Variants in COL5A2 observed in about 807,000 individuals in gnomAD.
COL5A2 encodes the protein collagen alpha-2(V) chain.
Under a neutral mutation model 208.2 loss-of-function variants are expected in COL5A2, and 23 were observed. The ratio of observed to expected loss-of-function variants is 0.11; its 90% CI spans 0.08 to 0.16. The LOEUF is 0.16. COL5A2 is among the 10% of genes least tolerant of loss of function. The pLI, the probability that COL5A2 is intolerant of heterozygous loss-of-function variation, is 1.00. For synonymous variants in COL5A2, 625 were observed against 628.5 expected (o/e 0.99, Z 0.08); for missense variants, 1,590 against 1,956.4 (o/e 0.81, Z 3.53).
the COL5A2 span, chr2:189,311,188 G>C: frequency 1.1e-6 from 1 of 900,024 alleles, no homozygotes; most frequent in Non-Finnish European, 1.7e-6. Flanking sequence ...AATGTGGCCA[G>C]ACTATTTTTT....
chr2:189,036,240 G>A (rs1205365511), intron 52 of COL5A2, among the ~76,000 whole-genome samples: 5 of 152,024 alleles, frequency 3.3e-5, no homozygotes, highest in African/African-American at 4.8e-5. Context: ...CAAGATCCCC[G>A]TGAGGTAACC....
intron 1 of COL5A2, among the ~76,000 whole-genome samples, chr2:189,150,141 T>TGTG (rs1688116224): frequency 6.6e-6 from 1 of 152,182 alleles, no homozygotes. Flanking sequence ...CTGAACAATG[T>TGTG]GTGTGCCTTC....
At chr2:189,297,398 T>C in the COL5A2 span, among the ~76,000 whole-genome samples, 1 of 152,200 alleles carries the variant, frequency 6.6e-6, no homozygotes, top group African/African-American at 2.4e-5. Flanking sequence ...TCTCTTTGAA[T>C]GTGAGGCACT....
rs149614424 is a variant in COL5A2, at chr2:189,209,726, T to G, written c.-42+15422A>C. On this transcript the variant is annotated intron_variant, in intron 1 of 10. Transcript: ENST00000649966. ...GGAGAAGTCAGAAAATCTTACAGACTCTTAATTTTGGCTGAGTAGATGATG... is the reference window on the plus strand; with the variant it reads ...GGAGAAGTCAGAAAATCTTACAGACGCTTAATTTTGGCTGAGTAGATGATG... 4.3e-3 allele frequency among the ~76,000 whole-genome samples: 658 copies of G among 152,330 alleles called. 8 individuals are homozygous for G. Among genetic ancestry groups the G allele is most frequent in the East Asian group, 0.03 (156 of 5,186 alleles).
At chr2:189,344,312 T>TC in the COL5A2 span, among the ~76,000 whole-genome samples, 1 of 152,024 alleles carries the variant, frequency 6.6e-6, no homozygotes, top group African/African-American at 2.4e-5. Flanking sequence ...GGCCAAACCT[T>TC]CCCAGACTTC....
At chr2:189,424,335 G>A in the COL5A2 span, among the ~76,000 whole-genome samples, 4 of 152,122 alleles carry the variant, frequency 2.6e-5, no homozygotes, top group Admixed American at 6.5e-5. Flanking sequence ...CTAATGAGCC[G>A]TTAGGCAAAG....
At chr2:189,328,875 T>G in the COL5A2 span, among the ~76,000 whole-genome samples, 4 of 152,238 alleles carry the variant, frequency 2.6e-5, no homozygotes, top group Non-Finnish European at 1.5e-5. Flanking sequence ...GATTGACAAC[T>G]TCATAAAACT....
chr2:189,211,484 G>C (rs1010771333), intron 1 of COL5A2, among the ~76,000 whole-genome samples: 8 of 152,114 alleles, frequency 5.3e-5, no homozygotes, highest in Non-Finnish European at 1.0e-4. Flanking sequence ...AGAAAGTGTA[G>C]ACCAAGAGTT....
At chr2:189,128,001 G>T (rs1687641557) in intron 1 of COL5A2, among the ~76,000 whole-genome samples, 1 of 152,020 alleles carries the variant, frequency 6.6e-6, no homozygotes, top group South Asian at 2.1e-4. Flanking sequence ...AACAGAAATG[G>T]TAAGTGTAGG....
At chr2:189,202,193 T>C (rs1036313928) in intron 1 of COL5A2, among the ~76,000 whole-genome samples, 7 of 151,728 alleles carry the variant, frequency 4.6e-5, no homozygotes, top group African/African-American at 1.7e-4. Flanking sequence ...GGGGGGAGAA[T>C]ACAATGTGAA....
chr2:189,124,092 A>T (rs1423640235), intron 1 of COL5A2, among the ~76,000 whole-genome samples: 1 of 152,188 alleles, frequency 6.6e-6, no homozygotes, highest in East Asian at 1.9e-4. Context: ...CAGGTAAAGC[A>T]TGGTTTACCT....
At chr2:189,177,532 ATTT>A (rs747654319) in intron 1 of COL5A2, among the ~76,000 whole-genome samples, 7 of 152,170 alleles carry the variant, frequency 4.6e-5, no homozygotes, top group African/African-American at 7.2e-5. Flanking sequence ...TTGCTGTTGA[ATTT>A]TTATCACTTA....
intron 1 of COL5A2, among the ~76,000 whole-genome samples, chr2:189,205,195 T>C (rs951490067): frequency 2.6e-5 from 4 of 152,256 alleles, no homozygotes; most frequent in Middle Eastern, 3.2e-3. Flanking sequence ...CTGTTTCCCA[T>C]TTTGTTAGCC....
chr2:189,048,299 A>G, intron 44 of COL5A2, 37 bp from the exon 45 acceptor site: 1 of 1,589,184 alleles, frequency 6.3e-7, no homozygotes, highest in Non-Finnish European at 8.6e-7. Flanking sequence ...TACTTAACTG[A>G]GTAATGAAAA....
At chr2:189,107,027 T>C (rs889650036) in intron 2 of COL5A2, among the ~76,000 whole-genome samples, 1 of 151,542 alleles carries the variant, frequency 6.6e-6, no homozygotes, top group Non-Finnish European at 1.5e-5. Context: ...TCATAGTTTT[T>C]TGTGTGTGTC....
At chr2:189,409,274 T>A in the COL5A2 span, among the ~76,000 whole-genome samples, 2 of 141,888 alleles carry the variant, frequency 1.4e-5, no homozygotes, top group Non-Finnish European at 3.0e-5. Context: ...TACAGTCGCA[T>A]GATCATAGCT....
the COL5A2 span, among the ~76,000 whole-genome samples, chr2:189,275,788 T>C: frequency 6.6e-6 from 1 of 152,282 alleles, no homozygotes; most frequent in South Asian, 2.1e-4. Flanking sequence ...GAATGCTTTC[T>C]TCTAAAATTC....
the COL5A2 span, among the ~76,000 whole-genome samples, chr2:189,433,755 A>G: frequency 6.6e-6 from 1 of 152,188 alleles, no homozygotes; most frequent in South Asian, 2.1e-4. Flanking sequence ...CCAGAGATAC[A>G]AGGAGGAACT....
chr2:189,085,634 T>C, intron 10 of COL5A2, 85 bp downstream of exon 10: 2 of 1,167,264 alleles, frequency 1.7e-6, no homozygotes, highest in Non-Finnish European at 2.6e-6. Context: ...AGGGAGGACC[T>C]GGGAAGATAA....
Sources: allele counts gnomAD v4.1 joint callset (sites outside exome capture counted in the v4.1 genomes callset), GRCh38; gene constraint gnomAD v4.1.1; transcripts MANE v1.5; gene names NCBI Gene and HGNC (gene_info 2026-07-23, HGNC 2026-07-21).